Variants in PARG observed in about 807,000 individuals in gnomAD.
PARG encodes the protein mitochondrial poly(ADP-ribose) glycohydrolase.
A neutral mutation model predicts 113.0 loss-of-function variants in PARG; 35 were observed. The observed-to-expected ratio is 0.31, with a 90% CI of 0.24 to 0.41. The LOEUF (loss-of-function observed/expected upper bound fraction) is 0.41. Ranked by LOEUF, PARG falls within the 10% of genes least tolerant of loss-of-function variation. The pLI, the probability that PARG is intolerant of heterozygous loss-of-function variation, is 1.00. For missense variants in PARG, 797 were observed against 1,169.4 expected (o/e 0.68, Z 4.64); for synonymous variants, 330 against 409.9 (o/e 0.81, Z 2.36).
rs900272413 is a variant in PARG, at chr10:49,818,557, A to G, written c.*783T>C. 2.0e-5 allele frequency: 3 copies of G among 152,700 alleles called. No individual in the cohort carries two copies. In the East Asian group the frequency reaches 5.8e-4, roughly 30 times the overall value. The allele number at this position is 152,700 out of a possible 1,614,324, so 9.5% of individuals were successfully genotyped here. On this transcript the variant is annotated 3_prime_UTR_variant, in exon 18 of 18. Transcript: ENST00000616448. ...ACATTAGTCCTAATTTAAAAAGAAAAAAGTACCAAGAAACAAAAAAAATCT... is the reference window on the plus strand; with the variant it reads ...ACATTAGTCCTAATTTAAAAAGAAAGAAGTACCAAGAAACAAAAAAAATCT...
chr10:49,908,256 A>T (rs1222640202), intron 7 of PARG, among the ~76,000 whole-genome samples: 2 of 152,218 alleles, frequency 1.3e-5, no homozygotes, highest in Non-Finnish European at 2.9e-5. Flanking sequence ...TAGAAATCAT[A>T]AATCATAAAT....
At chr10:49,857,573 G>A (rs1465088834) in intron 12 of PARG, 120 bp from the exon 13 acceptor site, 1 of 599,044 alleles carries the variant, frequency 1.7e-6, no homozygotes, top group East Asian at 2.9e-5. Context: ...CCCCAAATAA[G>A]TAATCTTCCC....
chr10:49,883,534 C>T (rs1847311587), intron 8 of PARG, among the ~76,000 whole-genome samples: 1 of 147,858 alleles, frequency 6.8e-6, no homozygotes, highest in Admixed American at 6.8e-5. Context: ...CACGGTGGCT[C>T]ATGCCTGTAA....
intron 16 of PARG, among the ~76,000 whole-genome samples, chr10:49,820,573 T>G (rs575433199): frequency 9.9e-5 from 15 of 151,654 alleles, no homozygotes; most frequent in African/African-American, 3.4e-4. Context: ...AAAAAAAAAT[T>G]TAGCCGGGTG....
intron 8 of PARG, among the ~76,000 whole-genome samples, chr10:49,883,096 A>G (rs2573502): frequency 4.5e-4 from 68 of 152,324 alleles, no homozygotes; most frequent in African/African-American, 1.3e-3. Flanking sequence ...TTACTGAGGT[A>G]AAATTAAAGT....
intron 7 of PARG, among the ~76,000 whole-genome samples, chr10:49,899,071 G>A (rs576361088): frequency 4.8e-4 from 73 of 152,216 alleles, no homozygotes; most frequent in African/African-American, 1.7e-3. Flanking sequence ...CTTTCTATCT[G>A]GATTAGCTGA....
chr10:49,891,660 C>T (rs1264592128), intron 7 of PARG, among the ~76,000 whole-genome samples: 1 of 119,702 alleles, frequency 8.4e-6, no homozygotes, highest in Non-Finnish European at 1.6e-5. Context: ...GATAGCGTCT[C>T]ACTCTGTCAC....
intron 2 of PARG, 122 bp from the exon 3 acceptor site, chr10:49,934,285 C>T (rs1437159827): frequency 7.2e-5 from 45 of 620,866 alleles, no homozygotes; most frequent in Non-Finnish European, 1.2e-4. Flanking sequence ...CACAGCATGT[C>T]TTCTATGACT....
At chr10:49,920,461 A>ATATATATAT (rs1554848881) in intron 6 of PARG, among the ~76,000 whole-genome samples, 1 of 48,336 alleles carries the variant, frequency 2.1e-5, no homozygotes, top group Non-Finnish European at 4.3e-5. Flanking sequence ...TAAAAAAAAA[A>ATATATATAT]AAATATATAT....
intron 8 of PARG, among the ~76,000 whole-genome samples, chr10:49,883,016 G>C (rs1354675435): frequency 6.6e-5 from 10 of 150,576 alleles, no homozygotes; most frequent in African/African-American, 2.5e-4. Flanking sequence ...ACTTCCAACA[G>C]AAACAAGAAG....
chr10:49,840,659 T>C (rs537239048), intron 15 of PARG, among the ~76,000 whole-genome samples: 2 of 152,296 alleles, frequency 1.3e-5, no homozygotes, highest in South Asian at 4.1e-4. Flanking sequence ...ATTTAAAAAA[T>C]TATACATACG....
chr10:49,893,749 A>G (rs1261615239), intron 7 of PARG, among the ~76,000 whole-genome samples: 22 of 151,072 alleles, frequency 1.5e-4, no homozygotes, highest in African/African-American at 5.1e-4. Flanking sequence ...GCTGGGGTGC[A>G]GTGGCGCGAT....
chr10:49,842,569 T>C (rs561500094), intron 14 of PARG, among the ~76,000 whole-genome samples: 66 of 152,212 alleles, frequency 4.3e-4, no homozygotes, highest in Non-Finnish European at 6.9e-4. Flanking sequence ...CTGTGCTCAA[T>C]TGCTGACTGT....
At chr10:49,912,022 G>A (rs1837213531) in intron 7 of PARG, among the ~76,000 whole-genome samples, 1 of 152,146 alleles carries the variant, frequency 6.6e-6, no homozygotes, top group Non-Finnish European at 1.5e-5. Flanking sequence ...AATTCTGGCT[G>A]GGAGCAGCCG....
chr10:49,878,246 T>C (rs1338039265), intron 9 of PARG, among the ~76,000 whole-genome samples: 1 of 144,198 alleles, frequency 6.9e-6, no homozygotes, highest in African/African-American at 2.6e-5. Context: ...ACAAGGAACA[T>C]GTTGGAGGAG....
At chr10:49,901,396 G>A (rs1375221386) in intron 7 of PARG, among the ~76,000 whole-genome samples, 3 of 150,200 alleles carry the variant, frequency 2.0e-5, no homozygotes, top group Non-Finnish European at 3.0e-5. Context: ...TTACAAGCAC[G>A]AACCACCACA....
In PARG at chr10:49,832,802, C is replaced by T; in HGVS notation, c.2647+1G>A. On this transcript the variant is annotated splice_donor_variant, in intron 16 of 17. Transcript: ENST00000616448. LOFTEE classifies it high-confidence loss of function. ...TTTTATCCTTTTCTACAACAACTTA[C>T]CTTTTAACCTGGCATCACCCCCAAA... 4 of 1,519,522 alleles carry T rather than the reference C, an allele frequency of 2.6e-6. No homozygotes were observed. Among genetic ancestry groups the T allele is most frequent in the Non-Finnish European group, 3.6e-6 (4 of 1,119,290 alleles). The allele number at this position is 1,519,522 out of a possible 1,614,324, so 94.1% of individuals were successfully genotyped here.
intron 7 of PARG, among the ~76,000 whole-genome samples, chr10:49,892,091 C>T (rs1415740496): frequency 2.0e-5 from 3 of 152,084 alleles, no homozygotes; most frequent in African/African-American, 7.2e-5. Flanking sequence ...CTAATAGTAA[C>T]ATAACCAATA....
chr10:49,901,533 TAATTA>T (rs1848348825), intron 7 of PARG, among the ~76,000 whole-genome samples: 1 of 152,174 alleles, frequency 6.6e-6, no homozygotes. Context: ...ATTCTTAATT[TAATTA>T]AATTATCCAG....
Sources: gnomAD v4.1 joint callset for allele counts (sites outside exome capture counted in the v4.1 genomes callset) on GRCh38, gnomAD v4.1.1 for gene constraint, MANE v1.5 for transcripts, NCBI Gene and HGNC (gene_info 2026-07-23, HGNC 2026-07-21) for gene names.